Variants in BAIAP2L1 observed in about 807,000 individuals in gnomAD.
BAIAP2L1 encodes BAR/IMD domain containing adaptor protein 2 like 1, also known as BAR/IMD domain-containing adapter protein 2-like 1.
In BAIAP2L1, 35 loss-of-function variants were observed where a neutral mutation model predicts 66.3. That is an observed-to-expected ratio of 0.53 (90% confidence interval 0.40 to 0.70). The LOEUF is 0.70. Among genes scored for constraint, BAIAP2L1 ranks in the 30% least tolerant of loss-of-function variants. BAIAP2L1 has a pLI of 0.00. For missense variants in BAIAP2L1, 622 were observed against 656.9 expected (o/e 0.95, Z 0.58); for synonymous variants, 269 against 248.7 (o/e 1.08, Z -0.77).
chr7:98,339,475 T>A (rs1330158618), intron 3 of BAIAP2L1, among the ~76,000 whole-genome samples: 3 of 152,218 alleles, frequency 2.0e-5, no homozygotes, highest in Non-Finnish European at 4.4e-5. Context: ...ACTCCCAAGT[T>A]GCTAAAGACC....
chr7:98,362,128 TTA>T (rs1205310095), intron 2 of BAIAP2L1, among the ~76,000 whole-genome samples: 2 of 152,196 alleles, frequency 1.3e-5, no homozygotes, highest in African/African-American at 4.8e-5. Flanking sequence ...AAGCACGGTT[TTA>T]TAGTTAAAAG....
At chr7:98,315,641 A>AATAATAATT (rs758147248) in intron 6 of BAIAP2L1, 29 bp from the exon 7 acceptor site, 2 of 1,055,640 alleles carry the variant, frequency 1.9e-6, no homozygotes, top group Non-Finnish European at 2.5e-6. Context: ...TAATAATAAT[A>AATAATAATT]ATTATATAAG....
chr7:98,365,636 G>A (rs769061503), intron 1 of BAIAP2L1, among the ~76,000 whole-genome samples: 38 of 152,042 alleles, frequency 2.5e-4, no homozygotes, highest in African/African-American at 3.6e-4. Context: ...GCGCCACCAC[G>A]CCTGGCTAAT....
intron 8 of BAIAP2L1, among the ~76,000 whole-genome samples, chr7:98,311,830 C>A (rs953566326): frequency 3.2e-4 from 48 of 152,028 alleles, no homozygotes; most frequent in African/African-American, 1.1e-3. Context: ...CACTTGAACC[C>A]GGGAGGTGGA....
intron 7 of BAIAP2L1, among the ~76,000 whole-genome samples, chr7:98,312,678 C>T (rs766175086): frequency 3.9e-5 from 6 of 152,158 alleles, no homozygotes; most frequent in Non-Finnish European, 8.8e-5. Flanking sequence ...CCACGGGCCC[C>T]GTAGTTGACT....
At chr7:98,338,290 C>T (rs1054531055) in intron 3 of BAIAP2L1, among the ~76,000 whole-genome samples, 56 of 152,044 alleles carry the variant, frequency 3.7e-4, no homozygotes, top group East Asian at 1.6e-3. Context: ...GGCGCGGTGG[C>T]GGGCGCCTGT....
chr7:98,343,777 C>T (rs1801805124), intron 3 of BAIAP2L1, among the ~76,000 whole-genome samples: 1 of 152,200 alleles, frequency 6.6e-6, no homozygotes. Flanking sequence ...GGCCAAATTG[C>T]AAAAACTTTA....
intron 3 of BAIAP2L1, among the ~76,000 whole-genome samples, chr7:98,343,392 A>G (rs991682922): frequency 6.6e-6 from 1 of 152,116 alleles, no homozygotes; most frequent in Non-Finnish European, 1.5e-5. Flanking sequence ...TGGAGCTTGC[A>G]GTGAGCCAAG....
At chr7:98,333,007 C>T (rs35535338) in intron 3 of BAIAP2L1, among the ~76,000 whole-genome samples, 56,464 of 151,416 alleles carry the variant, frequency 0.37, 12,184 homozygotes, top group Middle Eastern at 0.54. Context: ...ATGTGTGACC[C>T]AAGCCCACTA....
rs34672324 is a variant in BAIAP2L1, at chr7:98,359,925, A to ATT, written c.127+2430_127+2431dup. 4.1e-3 allele frequency among the ~76,000 whole-genome samples: 581 copies of ATT among 141,182 alleles called. 22 individuals are homozygous for ATT. In the East Asian group the frequency reaches 0.079, roughly 19 times the overall value. The allele number at this position is 141,182 out of a possible 152,430, so 92.6% of individuals were successfully genotyped here. On this transcript the variant is annotated intron_variant, in intron 2 of 13. Transcript: ENST00000005260. Reference sequence around the variant, plus strand: ...AGGAGCATGCCACCATGCCCAGCTAATTTTTTTTTTTTTCTGAGGCCGAGT... The same window carrying ATT: ...AGGAGCATGCCACCATGCCCAGCTAATTTTTTTTTTTTTTTCTGAGGCCGAGT...
At chr7:98,314,965 T>C (rs951695966) in intron 7 of BAIAP2L1, among the ~76,000 whole-genome samples, 11 of 152,366 alleles carry the variant, frequency 7.2e-5, no homozygotes, top group African/African-American at 2.6e-4. Context: ...TTAAACATTA[T>C]ACATGGACGT....
At chr7:98,367,285 T>G (rs1802407508) in intron 1 of BAIAP2L1, among the ~76,000 whole-genome samples, 1 of 152,216 alleles carries the variant, frequency 6.6e-6, no homozygotes, top group South Asian at 2.1e-4. Flanking sequence ...AAACTGTCAC[T>G]GCTACAGTTC....
At chr7:98,398,001 C>A (rs1042036943) in intron 1 of BAIAP2L1, among the ~76,000 whole-genome samples, 1 of 152,180 alleles carries the variant, frequency 6.6e-6, no homozygotes, top group Non-Finnish European at 1.5e-5. Flanking sequence ...ATATTGGCTA[C>A]AGAGGATCAT....
chr7:98,363,020 ATTTTTTCTTTTTTTTTTTTT>A (rs1362113204), intron 1 of BAIAP2L1, among the ~76,000 whole-genome samples: 2 of 99,082 alleles, frequency 2.0e-5, no homozygotes, highest in Non-Finnish European at 4.4e-5. Flanking sequence ...TGTCCCTGGC[ATTTTTTCTTTTTTTTTTTTT>A]TTTTTTTTTT....
At chr7:98,307,489 C>T in intron 10 of BAIAP2L1, 200 bp downstream of exon 10, 3 of 1,429,114 alleles carry the variant, frequency 2.1e-6, no homozygotes, top group Non-Finnish European at 2.7e-6. Context: ...ACTATGCATG[C>T]ACCAAATGTA....
intron 8 of BAIAP2L1, among the ~76,000 whole-genome samples, chr7:98,311,690 G>A (rs1041374442): frequency 7.2e-5 from 11 of 151,828 alleles, no homozygotes; most frequent in African/African-American, 1.9e-4. Context: ...GACAGATCAC[G>A]AGGTCAGGAG....
At chr7:98,317,869 TC>T in intron 5 of BAIAP2L1, among the ~76,000 whole-genome samples, 1 of 148,284 alleles carries the variant, frequency 6.7e-6, no homozygotes, top group Admixed American at 6.7e-5. Context: ...GCTGGGACCC[TC>T]ACTCTGCAGT....
chr7:98,347,562 T>C (rs971992492), intron 3 of BAIAP2L1, among the ~76,000 whole-genome samples: 3 of 151,748 alleles, frequency 2.0e-5, no homozygotes, highest in African/African-American at 4.8e-5. Context: ...GATCAAGAGG[T>C]CAGGAGATCG....
chr7:98,338,780 A>C (rs549388016), intron 3 of BAIAP2L1, among the ~76,000 whole-genome samples: 6 of 152,118 alleles, frequency 3.9e-5, no homozygotes, highest in Non-Finnish European at 8.8e-5. Flanking sequence ...TTTGTGGTCA[A>C]GACTATGTGT....
Sources: gnomAD v4.1 joint callset for allele counts (sites outside exome capture counted in the v4.1 genomes callset) on GRCh38, gnomAD v4.1.1 for gene constraint, MANE v1.5 for transcripts, NCBI Gene and HGNC (gene_info 2026-07-23, HGNC 2026-07-21) for gene names.